Variants in THEMIS observed in about 807,000 individuals in gnomAD.
THEMIS encodes the protein protein THEMIS.
Under a neutral mutation model 52.6 loss-of-function variants are expected in THEMIS, and 37 were observed. The ratio of observed to expected loss-of-function variants is 0.70; its 90% CI spans 0.54 to 0.93. The LOEUF (loss-of-function observed/expected upper bound fraction) is 0.93, where lower values mean the gene tolerates loss of function less well. THEMIS is among the 40% of genes least tolerant of loss of function. The pLI is 0.00. For missense variants in THEMIS, 808 were observed against 763.1 expected (o/e 1.06, Z -0.69); for synonymous variants, 292 against 272.7 (o/e 1.07, Z -0.70).
intron 1 of THEMIS, among the ~76,000 whole-genome samples, chr6:127,907,047 G>T (rs1216218683): frequency 6.6e-6 from 1 of 151,666 alleles, no homozygotes; most frequent in African/African-American, 2.4e-5. Flanking sequence ...ATTTCTTTGA[G>T]TAAAGAATAA....
intron 1 of THEMIS, among the ~76,000 whole-genome samples, chr6:127,864,215 T>C (rs1030009935): frequency 6.6e-6 from 1 of 152,014 alleles, no homozygotes; most frequent in African/African-American, 2.4e-5. Flanking sequence ...GCACAGTGCA[T>C]GACATAAAGG....
At chr6:127,736,998 G>A (rs2114256492) in intron 4 of THEMIS, among the ~76,000 whole-genome samples, 1 of 152,248 alleles carries the variant, frequency 6.6e-6, no homozygotes, top group Middle Eastern at 3.4e-3. Context: ...GATGCCTGTA[G>A]TGTTTGGTTT....
chr6:127,877,771 C>A (rs1320373878), intron 1 of THEMIS, among the ~76,000 whole-genome samples: 1 of 152,000 alleles, frequency 6.6e-6, no homozygotes, highest in Non-Finnish European at 1.5e-5. Context: ...GGCACAGAGA[C>A]ACAAAGGGAG....
intron 4 of THEMIS, among the ~76,000 whole-genome samples, chr6:127,767,734 TA>T (rs1252974241): frequency 6.6e-6 from 1 of 152,204 alleles, no homozygotes; most frequent in African/African-American, 2.4e-5. Context: ...AAACCATTGA[TA>T]TTGTCATTTC....
chr6:127,794,089 T>C (rs754063016), intron 4 of THEMIS, among the ~76,000 whole-genome samples: 1 of 152,206 alleles, frequency 6.6e-6, no homozygotes, highest in African/African-American at 2.4e-5. Context: ...AAAATGAAGA[T>C]TACTTAATGA....
intron 3 of THEMIS, among the ~76,000 whole-genome samples, chr6:127,819,561 TA>T (rs1280995198): frequency 1.3e-5 from 2 of 152,056 alleles, no homozygotes; most frequent in Admixed American, 6.5e-5. Flanking sequence ...ACCTTATCTA[TA>T]GAGGAAAAAC....
chr6:127,793,135 C>T (rs1050083925), intron 4 of THEMIS, among the ~76,000 whole-genome samples: 1 of 152,180 alleles, frequency 6.6e-6, no homozygotes, highest in Non-Finnish European at 1.5e-5. Flanking sequence ...AAGGAATAGT[C>T]TGCACTATTG....
chr6:127,850,883 AAAT>A (rs572119231), intron 2 of THEMIS, among the ~76,000 whole-genome samples: 15 of 151,502 alleles, frequency 9.9e-5, no homozygotes, highest in South Asian at 4.2e-4. Flanking sequence ...GAATCTATGG[AAAT>A]AATAATAATA....
chr6:127,779,000 A>T (rs1776655839), intron 4 of THEMIS, among the ~76,000 whole-genome samples: 1 of 152,148 alleles, frequency 6.6e-6, no homozygotes, highest in South Asian at 2.1e-4. Context: ...TATCTGCAGG[A>T]TGTACATAGT....
Position 127,813,221 on chromosome 6 carries a change from C to A in THEMIS, c.1420G>T (p.Ala474Ser), listed in dbSNP as rs1220720885. ...RDLSIEEDVL[A>S]ATPGLQLEED... ...TCCAACTGCAGTCCTGGTGTGGCAG[C>A]CAACACGTCCTCTTCAATGGAAAGA... Residue 474 changes from alanine (A) to serine (S), a missense_variant, in exon 4 of 6, where the codon GCT becomes TCT. Physicochemically the swap from Ala to Ser is moderately conservative, Grantham distance 99. Transcript: ENST00000368248. 2 of 1,613,876 alleles carry A rather than the reference C, an allele frequency of 1.2e-6. No individual in the cohort carries two copies. The highest frequency in any genetic ancestry group is 1.7e-6 in the Non-Finnish European group (2 of 1,180,012).
At chr6:127,802,017 G>A (rs1452357385) in intron 4 of THEMIS, among the ~76,000 whole-genome samples, 3 of 152,166 alleles carry the variant, frequency 2.0e-5, no homozygotes, top group Non-Finnish European at 4.4e-5. Context: ...CCACTAAGTA[G>A]GAACTCTGCA....
intron 4 of THEMIS, among the ~76,000 whole-genome samples, chr6:127,775,740 C>G (rs1039942112): frequency 6.6e-6 from 1 of 151,824 alleles, no homozygotes. Context: ...AGTATTTACT[C>G]TTTAATATCT....
intron 1 of THEMIS, chr6:127,868,528 C>G: frequency 9.3e-6 from 9 of 962,722 alleles, no homozygotes; most frequent in Non-Finnish European, 1.1e-5. Context: ...GATGTGCCAA[C>G]ATATTGAATT....
At chr6:127,727,301 A>C (rs1774583527) in intron 4 of THEMIS, among the ~76,000 whole-genome samples, 1 of 152,226 alleles carries the variant, frequency 6.6e-6, no homozygotes, top group Admixed American at 6.5e-5. Flanking sequence ...GCCAAAGGGC[A>C]GGAAAATTAA....
the THEMIS span, among the ~76,000 whole-genome samples, chr6:127,698,764 A>G: frequency 6.6e-6 from 1 of 152,028 alleles, no homozygotes; most frequent in Non-Finnish European, 1.5e-5. Flanking sequence ...CCCAGAAAAT[A>G]GAAAGAAATT....
At chr6:127,785,510 G>A (rs1776919136) in intron 4 of THEMIS, among the ~76,000 whole-genome samples, 1 of 150,210 alleles carries the variant, frequency 6.7e-6, no homozygotes, top group Non-Finnish European at 1.5e-5. Flanking sequence ...TCTCCAGATT[G>A]ATACATTTAA....
rs752664245 is a variant in THEMIS, at chr6:127,756,912, G to A, written c.1759-37089C>T. ...ATTTCTGTCAATTTGTGATTTGGTGGCAAAAATAATAAATTAGCATTGTAC... is the reference window on the plus strand; with the variant it reads ...ATTTCTGTCAATTTGTGATTTGGTGACAAAAATAATAAATTAGCATTGTAC... On this transcript the variant is annotated intron_variant, in intron 4 of 5. Transcript: ENST00000368248. Among the ~76,000 whole-genome samples the A allele has an allele frequency of 6.6e-4, 100 of 151,856 alleles. 2 individuals carry two copies. Among genetic ancestry groups the A allele is most frequent in the Non-Finnish European group, 6.8e-4 (46 of 67,976 alleles).
At chr6:127,756,888 T>C (rs1775845342) in intron 4 of THEMIS, among the ~76,000 whole-genome samples, 1 of 152,242 alleles carries the variant, frequency 6.6e-6, no homozygotes, top group African/African-American at 2.4e-5. Flanking sequence ...CATTAGAACA[T>C]TTCTGTCAAT....
intron 3 of THEMIS, among the ~76,000 whole-genome samples, chr6:127,816,229 C>A (rs1043434303): frequency 6.6e-6 from 1 of 152,026 alleles, no homozygotes; most frequent in South Asian, 2.1e-4. Flanking sequence ...CACCACCCAC[C>A]CCTCACACAC....
Sources: gnomAD v4.1 joint callset for allele counts (sites outside exome capture counted in the v4.1 genomes callset) on GRCh38, gnomAD v4.1.1 for gene constraint, MANE v1.5 for transcripts, NCBI Gene and HGNC (gene_info 2026-07-23, HGNC 2026-07-21) for gene names.